Variants in DMD observed in about 807,000 individuals in gnomAD.
The protein encoded by DMD is mutant dystrophin.
DMD carries 63 observed loss-of-function variants against 330.1 expected under a neutral mutation model. That is an observed-to-expected ratio of 0.19 (90% confidence interval 0.16 to 0.24). The LOEUF (loss-of-function observed/expected upper bound fraction) is 0.24, where lower values mean the gene tolerates loss of function less well. DMD is among the 10% of genes least tolerant of loss of function. DMD has a pLI of 1.00. For synonymous variants in DMD, 1,223 were observed against 959.8 expected, an observed-to-expected ratio of 1.27 and a Z score of -5.07; for missense variants, 3,344 against 2,684.1, an observed-to-expected ratio of 1.25 and a Z score of -5.43.
chrX:32,896,534 G>C (rs1488312633), intron 2 of DMD, among the ~76,000 whole-genome samples: 1 of 111,921 alleles, frequency 8.9e-6, no homozygotes, highest in Non-Finnish European at 1.9e-5. Context: ...GGCCCTAAAA[G>C]ACACACTACT....
chrX:32,563,687 A>T (rs759496416), intron 16 of DMD, among the ~76,000 whole-genome samples: 1 of 111,874 alleles, frequency 8.9e-6, no homozygotes, highest in African/African-American at 3.3e-5. Flanking sequence ...AATTGGAATA[A>T]TCAAATCAGT....
At chrX:33,052,700 A>T (rs1372680558) in intron 1 of DMD, among the ~76,000 whole-genome samples, 1 of 112,087 alleles carries the variant, frequency 8.9e-6, no homozygotes, top group Non-Finnish European at 1.9e-5. Context: ...CTGAACAAAA[A>T]TGTGTACATT....
At chrX:32,472,457 T>C in intron 21 of DMD, 148 bp from the exon 22 acceptor site, 1 of 553,566 alleles carries the variant, frequency 1.8e-6, no homozygotes, top group Non-Finnish European at 2.9e-6. Flanking sequence ...AATATGATTA[T>C]GAAGATACAT....
In DMD at chrX:32,463,520, A is replaced by T; in HGVS notation, c.3351T>A (p.Asn1117Lys). The change falls in exon 25 of 79, where the codon AAT becomes AAA. Residue 1117 changes from asparagine to lysine, a missense_variant. Transcript: ENST00000357033. ...SVNEGGQKIK[N>K]EAEPEFASRL... ...TCGAAGCAAACTCTGGCTCTGCTTC[A>T]TTCTTTATCTTCTGCCCACCTTCAT... 8.3e-7 allele frequency: 1 copy of T among 1,204,343 alleles called. No homozygotes were observed. The highest frequency in any genetic ancestry group is 1.1e-6 in the Non-Finnish European group (1 of 891,103).
At chrX:32,227,358 C>T (rs771803998) in intron 43 of DMD, among the ~76,000 whole-genome samples, 1 of 93,933 alleles carries the variant, frequency 1.1e-5, no homozygotes, top group African/African-American at 3.8e-5. Context: ...TTCATATACA[C>T]AATGAAAAAT....
chrX:32,441,856 T>C (rs2148228035), intron 27 of DMD, among the ~76,000 whole-genome samples: 1 of 111,701 alleles, frequency 9.0e-6, no homozygotes, highest in East Asian at 2.8e-4. Context: ...TTTCCTTTTT[T>C]TAGATAGACT....
chrX:32,889,935 G>C (rs2085035507), intron 2 of DMD, among the ~76,000 whole-genome samples: 1 of 111,344 alleles, frequency 9.0e-6, no homozygotes, highest in South Asian at 3.8e-4. Flanking sequence ...CAGAGAAAGG[G>C]GGGGCATCTC....
chrX:31,737,622 A>C (rs1219233826), intron 51 of DMD, among the ~76,000 whole-genome samples: 1 of 112,444 alleles, frequency 8.9e-6, no homozygotes, highest in African/African-American at 3.2e-5. Context: ...ATAGACAAGC[A>C]AGCCCAATGC....
intron 63 of DMD, among the ~76,000 whole-genome samples, chrX:31,240,740 C>A (rs2048180959): frequency 9.0e-6 from 1 of 111,278 alleles, no homozygotes; most frequent in Non-Finnish European, 1.9e-5. Flanking sequence ...TAGGTGCTTA[C>A]CCTATGTTTG....
chrX:33,200,925 C>CT (rs10678250), intron 1 of DMD, among the ~76,000 whole-genome samples: 6,844 of 52,172 alleles, frequency 0.13, 1,629 homozygotes, highest in African/African-American at 0.29. Context: ...AATCAATAGA[C>CT]TTTTTTTTTT....
chrX:32,880,430 A>C (rs773746156), intron 2 of DMD, among the ~76,000 whole-genome samples: 2 of 111,367 alleles, frequency 1.8e-5, no homozygotes, highest in Non-Finnish European at 3.8e-5. Context: ...TTAAGTTTCT[A>C]GTCTATAGTT....
chrX:32,574,819 G>A (rs185737431), intron 13 of DMD, among the ~76,000 whole-genome samples: 2 of 110,849 alleles, frequency 1.8e-5, no homozygotes. Flanking sequence ...TACTACATAT[G>A]TGTATTAACC....
At chrX:31,208,534 A>C (rs1363650443) in intron 65 of DMD, among the ~76,000 whole-genome samples, 1 of 112,223 alleles carries the variant, frequency 8.9e-6, no homozygotes, top group East Asian at 2.8e-4. Context: ...CGACATGTTC[A>C]AGGACTTGGT....
intron 22 of DMD, among the ~76,000 whole-genome samples, chrX:32,469,884 T>A (rs2040438633): frequency 9.0e-6 from 1 of 111,077 alleles, no homozygotes; most frequent in Non-Finnish European, 1.9e-5. Context: ...ATCCTATCTA[T>A]CTCCAGTTCC....
At chrX:32,382,327 C>T (rs2147495533) in intron 33 of DMD, among the ~76,000 whole-genome samples, 1 of 101,995 alleles carries the variant, frequency 9.8e-6, no homozygotes, top group South Asian at 4.6e-4. Flanking sequence ...CAATAGGCAC[C>T]ACTGACTGAT....
intron 55 of DMD, among the ~76,000 whole-genome samples, chrX:31,624,919 A>C (rs1003690766): frequency 2.7e-5 from 3 of 112,284 alleles, no homozygotes; most frequent in Non-Finnish European, 3.8e-5. Context: ...GTAATCTCTT[A>C]AGGTATGCTG....
chrX:32,746,872 C>CCCT (rs1202830144), intron 7 of DMD, among the ~76,000 whole-genome samples: 2 of 111,148 alleles, frequency 1.8e-5, no homozygotes, highest in Non-Finnish European at 3.8e-5. Flanking sequence ...CTCCCTCTTA[C>CCCT]CCTCCCCGGC....
At chrX:32,735,641 A>C (rs2068357543) in intron 7 of DMD, among the ~76,000 whole-genome samples, 1 of 111,495 alleles carries the variant, frequency 9.0e-6, no homozygotes, top group East Asian at 2.8e-4. Context: ...TCTTTGACAA[A>C]CCTGAGAAAA....
At chrX:31,449,034 T>C (rs1458895261) in intron 59 of DMD, among the ~76,000 whole-genome samples, 2 of 112,320 alleles carry the variant, frequency 1.8e-5, no homozygotes, top group Non-Finnish European at 3.8e-5. Flanking sequence ...GGGAATCTTA[T>C]TTTTGAGGGA....
Sources: gnomAD v4.1 joint callset for allele counts (sites outside exome capture counted in the v4.1 genomes callset) on GRCh38, gnomAD v4.1.1 for gene constraint, MANE v1.5 for transcripts, NCBI Gene and HGNC (gene_info 2026-07-23, HGNC 2026-07-21) for gene names.